CATSPER1: variants seen among roughly 807,000 people sequenced by gnomAD.
The protein encoded by CATSPER1 is cation channel sperm associated 1, also known as cation channel sperm-associated protein 1.
CATSPER1 carries 57 observed loss-of-function variants against 72.7 expected under a neutral mutation model. The ratio of observed to expected loss-of-function variants is 0.78; its 90% CI spans 0.63 to 0.98. The LOEUF (loss-of-function observed/expected upper bound fraction) is 0.98, where lower values mean the gene tolerates loss of function less well. Among genes scored for constraint, CATSPER1 ranks in the 50% least tolerant of loss-of-function variants. The pLI, the probability that CATSPER1 is intolerant of heterozygous loss-of-function variation, is 0.00. For missense variants in CATSPER1, 910 were observed against 1,033.9 expected, an observed-to-expected ratio of 0.88 and a Z score of 1.64; for synonymous variants, 363 against 403.0, an observed-to-expected ratio of 0.90 and a Z score of 1.19.
At chr11:66,021,041 C>G (rs1262239765) in intron 5 of CATSPER1, 53 bp downstream of exon 5, 1 of 1,603,952 alleles carries the variant, frequency 6.2e-7, no homozygotes, top group Non-Finnish European at 8.5e-7. Flanking sequence ...CCCCGCACCC[C>G]TTTCACCGCA....
Position 66,025,934 on chromosome 11 carries a change from T to A in CATSPER1, c.446A>T (p.His149Leu), listed in dbSNP as rs1349457587. 1 of 1,613,116 alleles carries A rather than the reference T, an allele frequency of 6.2e-7. No individual in the cohort carries two copies. Among genetic ancestry groups the A allele is most frequent in the East Asian group, 2.2e-5 (1 of 44,782 alleles). ...SDSHYHRGSH[H>L]GRPQYLGENL... ...CTCACCGAGATATTGGGGTCTGCCA[T>A]GGTGAGACCCCCTATGGTAATGGGA... Residue 149 changes from histidine to leucine, a missense_variant, in exon 1 of 12, where the codon CAT (histidine) becomes CTT (leucine). Coordinates refer to ENST00000312106, the MANE Select transcript of CATSPER1 (RefSeq NM_053054.4).
chr11:66,021,445 T>C (rs759143489), intron 4 of CATSPER1, 51 bp downstream of exon 4: 3 of 1,601,472 alleles, frequency 1.9e-6, no homozygotes, highest in South Asian at 2.2e-5. Context: ...CTGGTCTGTG[T>C]CCCCTCTTCC....
In CATSPER1 at chr11:66,025,779, C is replaced by T. The variant is rs750588043; in HGVS notation, c.601G>A (p.Gly201Arg). Residue 201 changes from glycine (G) to arginine (R), a missense_variant, in exon 1 of 12, where the codon GGG becomes AGG. Coordinates refer to ENST00000312106, the MANE Select transcript of CATSPER1 (RefSeq NM_053054.4). ...FHHSEASHLSGLQHDESQHHQ... is the reference protein window; with the variant it reads ...FHHSEASHLSRLQHDESQHHQ... ...TGCTGGGACTCATCGTGTTGGAGCC[C>T]GCTAAGGTGGGAAGCCTCGCTGTGG... is the stretch of plus-strand genomic sequence containing the variant. The T allele has an allele frequency of 2.2e-5, 36 of 1,613,272 alleles. No homozygotes were observed. The Admixed American group carries it at 4.0e-4, about 18-fold the overall frequency.
intron 1 of CATSPER1, among the ~76,000 whole-genome samples, chr11:66,024,155 A>G (rs987259270): frequency 6.6e-6 from 1 of 150,492 alleles, no homozygotes; most frequent in African/African-American, 2.4e-5. Flanking sequence ...TGGTAGAGAC[A>G]GGGTTTTGCC....
chr11:66,017,012 C>T, intron 11 of CATSPER1, 48 bp downstream of exon 11: 2 of 1,612,290 alleles, frequency 1.2e-6, no homozygotes, highest in Non-Finnish European at 1.7e-6. Context: ...TGGCTACAAG[C>T]CCCTGGGGTT....
Position 66,026,360 on chromosome 11 carries a change from G to A in CATSPER1, c.20C>T (p.Pro7Leu). MDQNSV[P>L]EKAQNEADTN... ...GTCTGCCTCATTCTGAGCCTTTTCA[G>A]GCACTGAGTTTTGATCCATGACTGT... The change falls in exon 1 of 12, where the codon CCT (proline) becomes CTT (leucine). Residue 7 changes from proline (P) to leucine (L), a missense_variant. Pro to Leu is a moderately conservative substitution (Grantham distance 98). Coordinates refer to ENST00000312106, the MANE Select transcript of CATSPER1 (RefSeq NM_053054.4). The A allele has an allele frequency of 6.2e-7, 1 of 1,613,704 alleles. No individual in the cohort carries two copies. The highest frequency in any genetic ancestry group is 8.5e-7 in the Non-Finnish European group (1 of 1,179,916).
In CATSPER1 at chr11:66,026,347, C is replaced by A; in HGVS notation, c.33G>T (p.Gln11His). The A allele has an allele frequency of 6.2e-7, 1 of 1,613,938 alleles. No homozygotes were observed. The highest frequency in any genetic ancestry group is 8.5e-7 in the Non-Finnish European group (1 of 1,179,922). MDQNSVPEKA[Q>H]NEADTNNADR... ...CTGCGTTATTGGTGTCTGCCTCATT[C>A]TGAGCCTTTTCAGGCACTGAGTTTT... The change falls in exon 1 of 12, where the codon CAG (glutamine) becomes CAT (histidine). Residue 11 changes from glutamine to histidine, a missense_variant. By Grantham distance (24) the Gln-to-His change is conservative (BLOSUM62 0). Coordinates refer to ENST00000312106, the MANE Select transcript of CATSPER1 (RefSeq NM_053054.4).
At chr11:66,023,113 T>A (rs528000865) in intron 1 of CATSPER1, 52 bp from the exon 2 acceptor site, 1 of 1,525,658 alleles carries the variant, frequency 6.6e-7, no homozygotes, top group South Asian at 1.1e-5. Flanking sequence ...GGACACGAGG[T>A]CCCAGGCACC....
At chr11:66,022,515 C>G (rs946639782) in intron 2 of CATSPER1, among the ~76,000 whole-genome samples, 2 of 152,250 alleles carry the variant, frequency 1.3e-5, no homozygotes, top group African/African-American at 4.8e-5. Context: ...TACATCCTCG[C>G]CCCTCCAGGG....
rs1856408277 is a variant in CATSPER1 at position 66,022,975 on chromosome 11, C to T, written c.1303G>A (p.Gly435Ser). ...LWEKLTFLIQ[G>S]FREMIRNLTQ... ...AGGTTCCGGATCATTTCCCGGAAGC[C>T]CTGAATGAGGAAGGTTAGCTTTTCC... Residue 435 changes from glycine to serine, a missense_variant, in exon 2 of 12, where the codon GGC becomes AGC. Coordinates refer to ENST00000312106, the MANE Select transcript of CATSPER1 (RefSeq NM_053054.4). 1.9e-6 allele frequency: 3 copies of T among 1,614,200 alleles called. No homozygotes were observed. Among genetic ancestry groups the T allele is most frequent in the East Asian group, 4.5e-5 (2 of 44,886 alleles).
Position 66,017,186 on chromosome 11 carries a change from C to CGGGGGGGTGGGGGGGGGGGGGGGGGGGGG in CATSPER1, c.2202-13_2202-12insCCCCCCCCCCCCCCCCCCCCCACCCCCCC. The stretch of plus-strand genomic sequence containing the variant: ...GGAGCTCCTGCTGCCTGCGGGTGGG[C>CGGGGGGGTGGGGGGGGGGGGGGGGGGGGG]GGGGGGGTCGCAGAGACAGGGGCTG... On this transcript the variant is annotated splice_polypyrimidine_tract_variant and intron_variant, in intron 10 of 11. Coordinates refer to ENST00000312106, the MANE Select transcript of CATSPER1 (RefSeq NM_053054.4). 3.9e-6 allele frequency: 1 copy of CGGGGGGGTGGGGGGGGGGGGGGGGGGGGG among 258,978 alleles called. No homozygotes were observed. Among genetic ancestry groups the CGGGGGGGTGGGGGGGGGGGGGGGGGGGGG allele is most frequent in the East Asian group, 9.0e-5 (1 of 11,084 alleles). 16.0% of individuals were successfully genotyped at this position (258,978 alleles called of 1,614,324 possible). A position where few individuals can be genotyped will look rare whatever the true frequency, so the allele number is the denominator to read the frequency against.
At position 66,016,794 on chromosome 11, in the gene CATSPER1, C is replaced by T. The variant is rs1783566; in HGVS notation, c.*96G>A. Reference sequence around the variant, plus strand: ...GTTGGGGCCCCTGCTCTGCAGGGCCCGGACAATCATTCCAGCAGATCTGGG... The same window carrying T: ...GTTGGGGCCCCTGCTCTGCAGGGCCTGGACAATCATTCCAGCAGATCTGGG... On this transcript the variant is annotated 3_prime_UTR_variant, in exon 12 of 12. Transcript: ENST00000312106. The T allele has an allele frequency of 5.4e-4, 774 of 1,438,312 alleles. No individual in the cohort carries two copies. Among genetic ancestry groups the T allele is most frequent in the Middle Eastern group, 9.2e-4 (4 of 4,360 alleles). 89.1% of individuals were successfully genotyped at this position (1,438,312 alleles called of 1,614,324 possible).
In CATSPER1 at chr11:66,020,819, C is replaced by T. The variant is rs369785055; in HGVS notation, c.1919G>A (p.Arg640His). The T allele has an allele frequency of 2.4e-5, 39 of 1,613,616 alleles. 1 individual carries two copies. The highest frequency in any genetic ancestry group is 1.5e-4 in the South Asian group (14 of 91,074). ...DDWSLIYMDS[R>H]AQGAWYIIPI... ...CCTGGGGCCTGCCCTACCCTGGGCA[C>T]GGCTGTCCATGTAGATGAGGGACCA... The change falls in exon 6 of 12, where the codon CGT (arginine) becomes CAT (histidine). Residue 640 changes from arginine (R) to histidine (H), a missense_variant. Transcript: ENST00000312106. This position sits in a 1 kb window ranked among gnomAD's most constrained non-coding sequence, Gnocchi z 4.5.
At chr11:66,017,779 G>A (rs1856269161) in intron 10 of CATSPER1, among the ~76,000 whole-genome samples, 1 of 152,212 alleles carries the variant, frequency 6.6e-6, no homozygotes, top group East Asian at 1.9e-4. Flanking sequence ...TGCCCTCAGA[G>A]CCAGACAGCT....
rs749627716 is a variant in CATSPER1, at chr11:66,026,294, G to A, written c.86C>T (p.Pro29Leu). 6.2e-7 allele frequency: 1 copy of A among 1,614,210 alleles called. No individual in the cohort carries two copies. Among genetic ancestry groups the A allele is most frequent in the Non-Finnish European group, 8.5e-7 (1 of 1,180,034 alleles). Residue 29 changes from proline to leucine, a missense_variant, in exon 1 of 12, where the codon CCC becomes CTC. Physicochemically the swap from Pro to Leu is moderately conservative, Grantham distance 98. Transcript: ENST00000312106. ...GCTGTGGCCTGGCCTGTGGTGTGGG[G>A]GTGATGAGTGAGAGCGAAAGAACCT... The part of the protein sequence containing the change: ...ADRFFRSHSS[P>L]PHHRPGHSRA...
intron 1 of CATSPER1, among the ~76,000 whole-genome samples, chr11:66,024,587 A>C (rs1233627221): frequency 2.0e-5 from 3 of 152,092 alleles, no homozygotes; most frequent in Non-Finnish European, 4.4e-5. Context: ...GCCTGTTGTC[A>C]TGTTTATTGA....
At chr11:66,022,029 T>C (rs531242319) in intron 2 of CATSPER1, 150 bp from the exon 3 acceptor site, 1 of 703,516 alleles carries the variant, frequency 1.4e-6, no homozygotes, top group Admixed American at 2.0e-5. Flanking sequence ...GTGTCTCAGT[T>C]TTCTTGTCTT....
In CATSPER1 at chr11:66,025,987, T is replaced by C. The variant is rs1284928470; in HGVS notation, c.393A>G (p.Gln131=). The C allele has an allele frequency of 4.3e-6, 7 of 1,613,688 alleles. No individual in the cohort carries two copies. Among genetic ancestry groups the C allele is most frequent in the South Asian group, 3.3e-5 (3 of 91,078 alleles). ...CACTCTGCTGATGGAACCCACCGTA[T>C]TGGGACCCATCATGATGCCTCCTGC... ...RDGRRHHDGS[Q]YGGFHQQSDS... is the part of the protein sequence containing the mutation. Residue 131 remains glutamine, a synonymous_variant, in exon 1 of 12, where the codon CAA becomes CAG. Transcript: ENST00000312106.
At chr11:66,024,537 C>T (rs1044751261) in intron 1 of CATSPER1, among the ~76,000 whole-genome samples, 2 of 152,170 alleles carry the variant, frequency 1.3e-5, no homozygotes, top group Non-Finnish European at 2.9e-5. Context: ...ACCTCGGCCT[C>T]CCAAAGTGCT....
Sources: allele counts gnomAD v4.1 joint callset (sites outside exome capture counted in the v4.1 genomes callset), GRCh38; gene constraint gnomAD v4.1.1; non-coding constraint Gnocchi (gnomAD v3.1); transcripts MANE v1.5; gene names NCBI Gene and HGNC (gene_info 2026-07-23, HGNC 2026-07-21).